The following ANKH variants were observed in gnomAD, a reference collection of about 807,000 sequenced individuals.
ANKH encodes ANKH inorganic pyrophosphate transport regulator.
A neutral mutation model predicts 49.0 loss-of-function variants in ANKH; 15 were observed. That is an observed-to-expected ratio of 0.31 (90% CI 0.20 to 0.47). The LOEUF is 0.47. Among genes scored for constraint, ANKH ranks in the 20% least tolerant of loss-of-function variants. The probability of loss-of-function intolerance (pLI) is 1.00; values close to 1 mark genes in which losing one functional copy is unlikely to be tolerated. For synonymous variants in ANKH, 273 were observed against 260.0 expected, an observed-to-expected ratio of 1.05 and a Z score of -0.48; for missense variants, 429 against 652.0, an observed-to-expected ratio of 0.66 and a Z score of 3.72.
At chr5:14,779,052 T>C (rs1383075325) in intron 1 of ANKH, among the ~76,000 whole-genome samples, 3 of 152,144 alleles carry the variant, frequency 2.0e-5, no homozygotes, top group Non-Finnish European at 2.9e-5. Context: ...GTGGAACCCA[T>C]CAGGTAGAAA....
intron 1 of ANKH, among the ~76,000 whole-genome samples, chr5:14,789,447 GGT>G (rs1166756970): frequency 7.1e-6 from 1 of 140,242 alleles, no homozygotes; most frequent in Non-Finnish European, 1.6e-5. Context: ...CTCTCAGAAT[GGT>G]GGTGATAAAA....
At chr5:14,746,968 T>C (rs1421473446) in intron 6 of ANKH, among the ~76,000 whole-genome samples, 2 of 152,222 alleles carry the variant, frequency 1.3e-5, no homozygotes, top group African/African-American at 4.8e-5. Context: ...TCCTTGCTCA[T>C]TCCATTGAGC....
chr5:14,857,218 T>C (rs1363990472), intron 1 of ANKH, among the ~76,000 whole-genome samples: 1 of 152,172 alleles, frequency 6.6e-6, no homozygotes, highest in African/African-American at 2.4e-5. Context: ...GGAGGTGAGA[T>C]CTTCCCAGAT....
chr5:14,722,145 C>T lies in ANKH; in HGVS notation c.1012-5310G>A, dbSNP rs118165385. Among the ~76,000 whole-genome samples, 67 of 152,200 alleles carry T rather than the reference C, an allele frequency of 4.4e-4. 2 individuals carry two copies. The East Asian group carries it at 9.5e-3, about 21-fold the overall frequency. Reference sequence around the variant, plus strand: ...GAACAGTGTCATTTTAATGAGTTCACCCAGAGTAGTCTCAACTCAGAACAT... The same window carrying T: ...GAACAGTGTCATTTTAATGAGTTCATCCAGAGTAGTCTCAACTCAGAACAT... On this transcript the variant is annotated intron_variant, in intron 8 of 11. Coordinates refer to ENST00000284268, the MANE Select transcript of ANKH (RefSeq NM_054027.6).
At chr5:14,768,275 CT>C (rs1739315632) in intron 2 of ANKH, 1 of 152,916 alleles carries the variant, frequency 6.5e-6, no homozygotes, top group African/African-American at 2.4e-5. Flanking sequence ...TTTTATGTAA[CT>C]GGTTTCAGTA....
chr5:14,798,497 T>C, intron 1 of ANKH: 1 of 948,818 alleles, frequency 1.1e-6, no homozygotes, highest in Non-Finnish European at 1.5e-6. Context: ...CTCTATTTTT[T>C]TTTTTAATTA....
intron 11 of ANKH, 44 bp downstream of exon 11, chr5:14,712,830 A>G: frequency 1.3e-6 from 2 of 1,534,596 alleles, no homozygotes; most frequent in East Asian, 4.7e-5. Context: ...TCCTGCACCC[A>G]GGAGGATGCA....
chr5:14,828,910 G>A (rs1025179037), intron 1 of ANKH, among the ~76,000 whole-genome samples: 2 of 152,158 alleles, frequency 1.3e-5, no homozygotes, highest in African/African-American at 4.8e-5. Context: ...TTTCTGGCTG[G>A]CTGCAGTGGC....
rs781731515 is a variant in ANKH at position 14,745,876 on chromosome 5, G to T, written c.909C>A (p.Phe303Leu). The change falls in exon 7 of 12, where the codon TTC becomes TTA. Residue 303 changes from phenylalanine to leucine, a missense_variant. Around this residue, in one of 2 missense-constraint regions of ANKH, gnomAD observed 378 missense variants for 615.3 expected, o/e 0.61. Transcript: ENST00000284268. This position sits in a 1 kb window ranked among gnomAD's most constrained non-coding sequence, Gnocchi z 4.7. ...LTEIRAVYPA[F>L]DKNNPSNKLV... ...ACACCGCACGGGTTCTCACCTTGTC[G>T]AAAGCAGGATACACAGCACGGATTT... The T allele has an allele frequency of 6.2e-7, 1 of 1,614,034 alleles. No individual in the cohort carries two copies. Among genetic ancestry groups the T allele is most frequent in the African/African-American group, 1.3e-5 (1 of 74,926 alleles).
intron 1 of ANKH, among the ~76,000 whole-genome samples, chr5:14,843,167 A>C (rs1741860020): frequency 6.9e-6 from 1 of 145,914 alleles, no homozygotes; most frequent in African/African-American, 2.5e-5. Context: ...CAGAGCCACC[A>C]GGGTTCTCTT....
rs1561018053 is a variant in ANKH at position 14,712,955 on chromosome 5, C to T, written c.1284G>A (p.Leu428=). ...AGCCCGCCAGGAGGGAGCCCACGCC[C>T]AGGGTCGCACCGTGCACCCTGCAGA... ...LPYLGVHGAT[L]GVGSLLAGFV... Residue 428 remains leucine (L), a synonymous_variant, in exon 11 of 12, where the codon CTG becomes CTA. Transcript: ENST00000284268. The T allele has an allele frequency of 1.2e-6, 2 of 1,613,288 alleles. No homozygotes were observed. Among genetic ancestry groups the T allele is most frequent in the Non-Finnish European group, 1.7e-6 (2 of 1,179,818 alleles).
intron 1 of ANKH, among the ~76,000 whole-genome samples, chr5:14,806,798 T>G (rs1295723305): frequency 6.6e-6 from 1 of 152,182 alleles, no homozygotes; most frequent in African/African-American, 2.4e-5. Flanking sequence ...ACACAATGAA[T>G]CTCTGAACTG....
At chr5:14,839,292 T>C (rs955995701) in intron 1 of ANKH, among the ~76,000 whole-genome samples, 2 of 152,224 alleles carry the variant, frequency 1.3e-5, no homozygotes, top group African/African-American at 2.4e-5. Flanking sequence ...GATTATGTTC[T>C]TTCATTATAA....
chr5:14,780,403 C>T (rs1046753423), intron 1 of ANKH, among the ~76,000 whole-genome samples: 8 of 152,068 alleles, frequency 5.3e-5, no homozygotes, highest in African/African-American at 1.9e-4. Flanking sequence ...ATTAGCTGGG[C>T]GTGGTGGCAC....
chr5:14,768,856 A>G (rs920269909), intron 2 of ANKH, 119 bp downstream of exon 2: 7 of 1,165,082 alleles, frequency 6.0e-6, no homozygotes, highest in African/African-American at 1.5e-5. Flanking sequence ...TGAAAATTTC[A>G]TAAGAAACAT....
intron 2 of ANKH, among the ~76,000 whole-genome samples, chr5:14,764,652 T>A (rs1415871919): frequency 6.6e-6 from 1 of 152,246 alleles, no homozygotes; most frequent in Non-Finnish European, 1.5e-5. Context: ...TGTGAGACTA[T>A]ACTGGCACTG....
chr5:14,712,258 T>C (rs1036382436), intron 11 of ANKH, among the ~76,000 whole-genome samples: 1 of 152,240 alleles, frequency 6.6e-6, no homozygotes, highest in Non-Finnish European at 1.5e-5. Flanking sequence ...GCCGTCACTC[T>C]GCTGCCCCGG....
intron 8 of ANKH, among the ~76,000 whole-genome samples, chr5:14,732,194 C>T (rs1399186696): frequency 4.6e-5 from 7 of 152,180 alleles, no homozygotes. Context: ...TTTGTGTTCA[C>T]TGCAGCTTGA....
intron 7 of ANKH, among the ~76,000 whole-genome samples, chr5:14,744,065 T>A (rs1482433118): frequency 6.6e-6 from 1 of 152,222 alleles, no homozygotes; most frequent in Non-Finnish European, 1.5e-5. Flanking sequence ...CATACATTCA[T>A]GCTGGTTTTC....
Sources: allele counts gnomAD v4.1 joint callset (sites outside exome capture counted in the v4.1 genomes callset), GRCh38; gene constraint gnomAD v4.1.1; regional missense constraint gnomAD v4.1.1; non-coding constraint Gnocchi (gnomAD v3.1); transcripts MANE v1.5; gene names NCBI Gene and HGNC (gene_info 2026-07-23, HGNC 2026-07-21).